The following RAB3GAP2 variants were observed in gnomAD, a reference collection of about 807,000 sequenced individuals.
RAB3GAP2 encodes rab3 GTPase-activating protein non-catalytic subunit.
RAB3GAP2 carries 87 observed loss-of-function variants against 185.3 expected under a neutral mutation model. That is an observed-to-expected ratio of 0.47 (90% CI 0.39 to 0.56). The LOEUF is 0.56. RAB3GAP2 is among the 20% of genes least tolerant of loss of function. RAB3GAP2 has a pLI of 0.00. For missense variants in RAB3GAP2, 1,492 were observed against 1,638.2 expected (o/e 0.91, Z 1.54); for synonymous variants, 554 against 576.1 (o/e 0.96, Z 0.55).
rs763633733 is a variant in RAB3GAP2, at chr1:220,171,009, G to A, written c.2689C>T (p.Leu897Phe). ...CTGTGAAGCAGAGTCTGAAGTATGA[G>A]ACAATCCTCCAGCTGTTTCAGAAGG... ...KLLLKQLEDCLILQTLLHSKG... is the reference protein window; with the variant it reads ...KLLLKQLEDCFILQTLLHSKG... The change falls in exon 24 of 35, where the codon CTC (leucine) becomes TTC (phenylalanine). Residue 897 changes from leucine (L) to phenylalanine (F), a missense_variant. Coordinates refer to ENST00000358951, the MANE Select transcript of RAB3GAP2 (RefSeq NM_012414.4). 6.8e-6 allele frequency: 11 copies of A among 1,614,038 alleles called. No individual in the cohort carries two copies. The South Asian group carries it at 1.2e-4, about 18-fold the overall frequency.
intron 9 of RAB3GAP2, among the ~76,000 whole-genome samples, chr1:220,198,907 T>C (rs973838934): frequency 6.6e-6 from 1 of 152,182 alleles, no homozygotes; most frequent in African/African-American, 2.4e-5. Flanking sequence ...CAATGTGATA[T>C]ATAAGGAGAC....
intron 1 of RAB3GAP2, chr1:220,253,518 G>T: frequency 1.3e-6 from 2 of 1,542,356 alleles, no homozygotes; most frequent in East Asian, 2.4e-5. Flanking sequence ...AGAGAGTAGG[G>T]GGCGGTAGTC....
At chr1:220,224,614 C>G (rs919463189) in intron 2 of RAB3GAP2, among the ~76,000 whole-genome samples, 1 of 152,084 alleles carries the variant, frequency 6.6e-6, no homozygotes, top group Non-Finnish European at 1.5e-5. Flanking sequence ...TACTCTCAGT[C>G]TCCCTAGCAC....
chr1:220,200,820 TCA>T (rs1368005837), intron 9 of RAB3GAP2: 1 of 349,632 alleles, frequency 2.9e-6, no homozygotes, highest in Non-Finnish European at 5.8e-6. Context: ...CTCTTTAGAG[TCA>T]CTCTCCTTCC....
intron 2 of RAB3GAP2, among the ~76,000 whole-genome samples, chr1:220,218,718 C>T (rs1373593425): frequency 6.6e-6 from 1 of 150,420 alleles, no homozygotes; most frequent in Non-Finnish European, 1.5e-5. Flanking sequence ...TGCACATGTA[C>T]CCTAGAACTT....
At chr1:220,187,064 T>G (rs187867304) in intron 17 of RAB3GAP2, among the ~76,000 whole-genome samples, 2 of 152,332 alleles carry the variant, frequency 1.3e-5, no homozygotes, top group East Asian at 3.9e-4. Context: ...CTCAATAAAG[T>G]GTTTTAAAAA....
intron 23 of RAB3GAP2, 137 bp downstream of exon 23, chr1:220,171,752 T>G (rs1299458859): frequency 1.1e-6 from 1 of 921,046 alleles, no homozygotes; most frequent in South Asian, 1.5e-5. Flanking sequence ...GGCATCATTC[T>G]CAATAAAGAA....
chr1:220,185,614 T>G, intron 18 of RAB3GAP2, 37 bp downstream of exon 18: 1 of 1,507,686 alleles, frequency 6.6e-7, no homozygotes, highest in Non-Finnish European at 9.2e-7. Flanking sequence ...AAATTTGAGT[T>G]AAGAACATAA....
At chr1:220,263,107 T>C (rs1180161152) in intron 1 of RAB3GAP2, among the ~76,000 whole-genome samples, 1 of 151,580 alleles carries the variant, frequency 6.6e-6, no homozygotes, top group Non-Finnish European at 1.5e-5. Context: ...CTTGAAGAAA[T>C]GTCTACTTAA....
chr1:220,272,408 C>T lies in RAB3GAP2; in HGVS notation c.-71G>A. ...CCTGCCCCCTCCACCCCACTGCGGC[C>T]GCCACCGAGCCCCAATAGCTCTAGC... is the stretch of plus-strand genomic sequence containing the variant. On this transcript the variant is annotated 5_prime_UTR_variant, in exon 1 of 35. Coordinates refer to ENST00000358951, the MANE Select transcript of RAB3GAP2 (RefSeq NM_012414.4). 2 of 1,076,144 alleles carry T rather than the reference C, an allele frequency of 1.9e-6. No individual in the cohort carries two copies. The highest frequency in any genetic ancestry group is 2.8e-6 in the Non-Finnish European group (2 of 713,610). The allele number at this position is 1,076,144 out of a possible 1,614,324, so 66.7% of individuals were successfully genotyped here. A position where few individuals can be genotyped will look rare whatever the true frequency, so the allele number is the denominator to read the frequency against.
chr1:220,184,174 G>C lies in RAB3GAP2; in HGVS notation c.1871-11C>G, dbSNP rs1419498188. On this transcript the variant is annotated splice_polypyrimidine_tract_variant and intron_variant, in intron 18 of 34. Coordinates refer to ENST00000358951, the MANE Select transcript of RAB3GAP2 (RefSeq NM_012414.4). ...CAACAGACTCAAGTTCTAAAAGGCA[G>C]AAGGAAAAGTATATATAAGAGATAT... 1.9e-6 allele frequency: 3 copies of C among 1,604,934 alleles called. No individual in the cohort carries two copies. Among genetic ancestry groups the C allele is most frequent in the Non-Finnish European group, 2.6e-6 (3 of 1,172,580 alleles).
Position 220,182,917 on chromosome 1 carries a change from T to C in RAB3GAP2, c.2013A>G (p.Leu671=). 1 of 1,612,108 alleles carries C rather than the reference T, an allele frequency of 6.2e-7. No individual in the cohort carries two copies. The highest frequency in any genetic ancestry group is 8.5e-7 in the Non-Finnish European group (1 of 1,178,634). Residue 671 remains leucine (L), a synonymous_variant, in exon 20 of 35, where the codon TTA becomes TTG. Transcript: ENST00000358951. ...GCAGTTCTTTTTCATCAAGCCTTAGTAACAGAGCCAAGTCCTTTAAAACAG... is the reference window on the plus strand; with the variant it reads ...GCAGTTCTTTTTCATCAAGCCTTAGCAACAGAGCCAAGTCCTTTAAAACAG... The part of the protein sequence containing the change: ...TPFSDNDLAL[L]LRLDEKELLK...
intron 1 of RAB3GAP2, among the ~76,000 whole-genome samples, chr1:220,260,299 C>T (rs779840026): frequency 1.3e-4 from 19 of 146,698 alleles, no homozygotes; most frequent in Non-Finnish European, 2.5e-4. Context: ...CATATGTTCA[C>T]TGCAGCACTA....
chr1:220,245,866 C>A (rs1450946154), intron 1 of RAB3GAP2, among the ~76,000 whole-genome samples: 3 of 152,184 alleles, frequency 2.0e-5, no homozygotes, highest in African/African-American at 7.2e-5. Flanking sequence ...GGCCCCTGAC[C>A]CCCGAGCAGC....
At chr1:220,245,561 C>T (rs1382979966) in intron 1 of RAB3GAP2, among the ~76,000 whole-genome samples, 1 of 152,146 alleles carries the variant, frequency 6.6e-6, no homozygotes, top group Admixed American at 6.5e-5. Context: ...AGTCTGAGAT[C>T]AAACTGCAAG....
At position 220,191,227 on chromosome 1, in the gene RAB3GAP2, A is replaced by G. The variant is rs1658613102; in HGVS notation, c.1328T>C (p.Val443Ala). The change falls in exon 14 of 35, where the codon GTG (valine) becomes GCG (alanine). Residue 443 changes from valine (V) to alanine (A), a missense_variant. Coordinates refer to ENST00000358951, the MANE Select transcript of RAB3GAP2 (RefSeq NM_012414.4). Reference protein sequence around the residue: ...IQTVEDLHERVPEKADFSPFG... With the variant: ...IQTVEDLHERAPEKADFSPFG... The stretch of plus-strand genomic sequence containing the variant: ...GGGGGAAAAATCTGCCTTTTCTGGC[A>G]CTCTTTCATGGAGGTCCTCTACAGT... The G allele has an allele frequency of 2.5e-6, 4 of 1,613,560 alleles. No homozygotes were observed. In the East Asian group the frequency reaches 8.9e-5, roughly 36 times the overall value.
At chr1:220,174,936 C>T (rs906814645) in intron 21 of RAB3GAP2, among the ~76,000 whole-genome samples, 1 of 152,198 alleles carries the variant, frequency 6.6e-6, no homozygotes, top group Non-Finnish European at 1.5e-5. Flanking sequence ...CTCTTCTAGA[C>T]TTCCCCTTAA....
intron 27 of RAB3GAP2, among the ~76,000 whole-genome samples, chr1:220,162,499 GAAGAA>G (rs1280084095): frequency 6.6e-6 from 1 of 152,130 alleles, no homozygotes; most frequent in Non-Finnish European, 1.5e-5. Flanking sequence ...CACTAAGCAT[GAAGAA>G]AAGAGTCACA....
At chr1:220,160,126 G>C (rs1657938032) in intron 28 of RAB3GAP2, among the ~76,000 whole-genome samples, 1 of 152,064 alleles carries the variant, frequency 6.6e-6, no homozygotes, top group African/African-American at 2.4e-5. Context: ...GTTTGAAATA[G>C]AAAGAAAGGA....
Sources: allele counts gnomAD v4.1 joint callset (sites outside exome capture counted in the v4.1 genomes callset), GRCh38; gene constraint gnomAD v4.1.1; transcripts MANE v1.5; gene names NCBI Gene and HGNC (gene_info 2026-07-23, HGNC 2026-07-21).